EIF3K: variants seen among roughly 807,000 people sequenced by gnomAD.
The protein encoded by EIF3K is eIF-3 p28.
A neutral mutation model predicts 34.2 loss-of-function variants in EIF3K; 27 were observed. The ratio of observed to expected loss-of-function variants is 0.79; its 90% CI spans 0.58 to 1.09. The LOEUF (loss-of-function observed/expected upper bound fraction) is 1.09, where lower values mean the gene tolerates loss of function less well. EIF3K is among the 50% of genes least tolerant of loss of function. The pLI is 0.00. For missense variants in EIF3K, 232 were observed against 275.4 expected, an observed-to-expected ratio of 0.84 and a Z score of 1.11; for synonymous variants, 105 against 105.7, an observed-to-expected ratio of 0.99 and a Z score of 0.04.
chr19:38,631,857 C>T (rs577284291), intron 4 of EIF3K, among the ~76,000 whole-genome samples: 198 of 152,218 alleles, frequency 1.3e-3, no homozygotes, highest in African/African-American at 4.5e-3. Context: ...TGATGACTCT[C>T]AAGGAGCATG....
intron 7 of EIF3K, among the ~76,000 whole-genome samples, 170 bp from the exon 8 acceptor site, chr19:38,636,719 C>T (rs888574117): frequency 6.6e-6 from 1 of 152,124 alleles, no homozygotes; most frequent in Non-Finnish European, 1.5e-5. Flanking sequence ...GCCCTCCTTG[C>T]TCCAGAGTCC....
chr19:38,627,153 T>C (rs905928275), intron 4 of EIF3K, among the ~76,000 whole-genome samples: 4 of 151,942 alleles, frequency 2.6e-5, no homozygotes, highest in Non-Finnish European at 5.9e-5. Context: ...CGCTGGCTAA[T>C]TTTTGTATTT....
chr19:38,634,017 T>C (rs989330013), intron 6 of EIF3K, among the ~76,000 whole-genome samples: 5 of 149,468 alleles, frequency 3.3e-5, no homozygotes, highest in African/African-American at 1.2e-4. Flanking sequence ...CCTCAAGTGA[T>C]CTGCCCACCT....
intron 4 of EIF3K, among the ~76,000 whole-genome samples, chr19:38,631,478 T>C (rs1190777331): frequency 6.6e-6 from 1 of 152,314 alleles, no homozygotes; most frequent in Admixed American, 6.5e-5. Flanking sequence ...CTCAATGCCT[T>C]GAAGAGCAAT....
At chr19:38,636,802 C>A (rs897372403) in intron 7 of EIF3K, 87 bp from the exon 8 acceptor site, 5 of 1,490,546 alleles carry the variant, frequency 3.4e-6, no homozygotes, top group African/African-American at 2.8e-5. Flanking sequence ...ATGATCTCCC[C>A]CTAAAGAATT....
chr19:38,623,606 C>CG, intron 2 of EIF3K, among the ~76,000 whole-genome samples: 1 of 151,998 alleles, frequency 6.6e-6, no homozygotes, highest in African/African-American at 2.4e-5. Flanking sequence ...ACCTACCCAC[C>CG]CCCACCGCCA....
At chr19:38,626,540 A>G (rs1975954824) in intron 4 of EIF3K, among the ~76,000 whole-genome samples, 1 of 152,118 alleles carries the variant, frequency 6.6e-6, no homozygotes, top group Non-Finnish European at 1.5e-5. Context: ...ACTCCCAGCT[A>G]CCCAGGAGGC....
intron 3 of EIF3K, 54 bp downstream of exon 3, chr19:38,624,251 G>T: frequency 6.2e-7 from 1 of 1,609,848 alleles, no homozygotes; most frequent in Non-Finnish European, 8.5e-7. Context: ...CAGAGTCAAG[G>T]TGCATGAATT....
At position 38,632,513 on chromosome 19, in the gene EIF3K, G is replaced by A. The variant is rs1325267119; in HGVS notation, c.421+17G>A. ...TCCGAAAGTGTAAGTCCCTCTCTGA[G>A]GCTGGGCTCCCCAAGGGGAAGGGGT... On this transcript the variant is annotated intron_variant, in intron 5 of 7. Coordinates refer to ENST00000248342, the MANE Select transcript of EIF3K (RefSeq NM_013234.4). 1.2e-6 allele frequency: 2 copies of A among 1,614,146 alleles called. No individual in the cohort carries two copies. The highest frequency in any genetic ancestry group is 1.7e-6 in the Non-Finnish European group (2 of 1,179,968).
chr19:38,624,333 G>A, intron 3 of EIF3K, 136 bp downstream of exon 3: 4 of 1,370,680 alleles, frequency 2.9e-6, no homozygotes, highest in Non-Finnish European at 3.9e-6. Context: ...GCAAGGTGCT[G>A]GACAGTGCTG....
chr19:38,626,255 C>T (rs759726148), intron 4 of EIF3K, 153 bp downstream of exon 4: 24 of 734,162 alleles, frequency 3.3e-5, no homozygotes, highest in Admixed American at 8.9e-5. Context: ...CATCCTCTCG[C>T]GGAGCAGGTA....
At chr19:38,635,162 G>T in intron 7 of EIF3K, 44 bp downstream of exon 7, 2 of 1,613,396 alleles carry the variant, frequency 1.2e-6, no homozygotes, top group Non-Finnish European at 1.7e-6. Context: ...CTAAGGGGGT[G>T]CCCCTCAAGG....
intron 3 of EIF3K, among the ~76,000 whole-genome samples, chr19:38,625,563 G>A (rs1373917378): frequency 6.7e-6 from 1 of 149,286 alleles, no homozygotes; most frequent in African/African-American, 2.5e-5. Context: ...AGGCTGGCGT[G>A]CAAAGGCGTG....
chr19:38,621,197 TAAAAAAAAA>T (rs34987023), intron 2 of EIF3K, among the ~76,000 whole-genome samples: 3 of 120,076 alleles, frequency 2.5e-5, no homozygotes, highest in South Asian at 2.6e-4. Context: ...CCCCTCTTTT[TAAAAAAAAA>T]AAAAAAAAAA....
intron 2 of EIF3K, among the ~76,000 whole-genome samples, chr19:38,622,271 G>A (rs542121951): frequency 3.7e-4 from 57 of 152,178 alleles, no homozygotes; most frequent in African/African-American, 1.1e-3. Context: ...CGATAATCAC[G>A]TAGGTTCTTT....
At chr19:38,627,798 C>G (rs1177911225) in intron 4 of EIF3K, among the ~76,000 whole-genome samples, 3 of 152,086 alleles carry the variant, frequency 2.0e-5, no homozygotes, top group African/African-American at 4.8e-5. Flanking sequence ...GTCCCTTGCT[C>G]TCTTGGCCAG....
chr19:38,632,554 G>A (rs1361318658), intron 5 of EIF3K, 47 bp from the exon 6 acceptor site: 5 of 1,613,134 alleles, frequency 3.1e-6, no homozygotes, highest in Admixed American at 1.7e-5. Context: ...GTGGCAGCCA[G>A]GTCCGGGGGG....
At chr19:38,635,330 T>C (rs1976166870) in intron 7 of EIF3K, 2 of 678,804 alleles carry the variant, frequency 2.9e-6, no homozygotes, top group East Asian at 5.4e-5. Context: ...TTCTAGGCCC[T>C]GTGTCCTGCC....
Position 38,622,053 on chromosome 19 carries a change from G to T in EIF3K, c.158+1618G>T, listed in dbSNP as rs187690815. On this transcript the variant is annotated intron_variant, in intron 2 of 7. Coordinates refer to ENST00000248342, the MANE Select transcript of EIF3K (RefSeq NM_013234.4). ...CCTGAATAGCTGGGACTACAGGCATGCACCACCATGCCCAGCTAATTTTAC... is the reference window on the plus strand; with the variant it reads ...CCTGAATAGCTGGGACTACAGGCATTCACCACCATGCCCAGCTAATTTTAC... 1.8e-3 allele frequency among the ~76,000 whole-genome samples: 270 copies of T among 150,772 alleles called. 2 individuals are homozygous for T. The highest frequency in any genetic ancestry group is 6.0e-3 in the African/African-American group (245 of 41,040).
Sources: allele counts gnomAD v4.1 joint callset (sites outside exome capture counted in the v4.1 genomes callset), GRCh38; gene constraint gnomAD v4.1.1; transcripts MANE v1.5; gene names NCBI Gene and HGNC (gene_info 2026-07-23, HGNC 2026-07-21).